Variants in NEDD4L observed in about 807,000 individuals in gnomAD.
NEDD4L encodes the protein E3 ubiquitin-protein ligase NEDD4-like.
In NEDD4L, 54 loss-of-function variants were observed where a neutral mutation model predicts 148.9. That is an observed-to-expected ratio of 0.36 (90% CI 0.29 to 0.45). The LOEUF (loss-of-function observed/expected upper bound fraction) is 0.45. NEDD4L is among the 20% of genes least tolerant of loss of function. The pLI, the probability that NEDD4L is intolerant of heterozygous loss-of-function variation, is 1.00. For missense variants in NEDD4L, 856 were observed against 1,233.8 expected (o/e 0.69, Z 4.59); for synonymous variants, 433 against 440.7 (o/e 0.98, Z 0.22).
chr18:58,378,451 A>G (rs1020626159), intron 24 of NEDD4L, among the ~76,000 whole-genome samples: 9 of 152,238 alleles, frequency 5.9e-5, no homozygotes, highest in Non-Finnish European at 1.3e-4. Flanking sequence ...CAGGAGCCAG[A>G]CGAAGAGCCC....
At chr18:58,275,065 ATCTT>A (rs2051671094) in intron 5 of NEDD4L, among the ~76,000 whole-genome samples, 1 of 152,174 alleles carries the variant, frequency 6.6e-6, no homozygotes, top group Non-Finnish European at 1.5e-5. Context: ...ATAGTTGAAA[ATCTT>A]TTGACTCCCC....
chr18:58,297,940 C>T (rs1008685764), intron 5 of NEDD4L, among the ~76,000 whole-genome samples: 1 of 152,184 alleles, frequency 6.6e-6, no homozygotes, highest in Admixed American at 6.5e-5. Context: ...TGTGTTTATT[C>T]TTCCCTGTTG....
chr18:58,248,813 T>C, intron 3 of NEDD4L, 86 bp from the exon 4 acceptor site: 1 of 692,258 alleles, frequency 1.4e-6, no homozygotes, highest in South Asian at 2.0e-5. Flanking sequence ...CAAAAAAATG[T>C]TTAAGCAAAT....
chr18:58,307,675 G>A (rs1262642464), intron 5 of NEDD4L, among the ~76,000 whole-genome samples: 3 of 152,194 alleles, frequency 2.0e-5, no homozygotes, highest in Non-Finnish European at 4.4e-5. Context: ...CCAGGCAGTG[G>A]GATGGACTGT....
intron 5 of NEDD4L, among the ~76,000 whole-genome samples, chr18:58,259,068 A>T (rs1208862842): frequency 6.6e-6 from 1 of 152,196 alleles, no homozygotes; most frequent in Admixed American, 6.5e-5. Context: ...TAGATTTGGG[A>T]ATACCGCTCG....
At chr18:58,218,246 C>T (rs2043353329) in intron 2 of NEDD4L, among the ~76,000 whole-genome samples, 1 of 152,104 alleles carries the variant, frequency 6.6e-6, no homozygotes, top group Admixed American at 6.5e-5. Flanking sequence ...TTTCATAAAA[C>T]CACACCCTAA....
At chr18:58,117,165 T>G (rs1293851386) in intron 1 of NEDD4L, among the ~76,000 whole-genome samples, 1 of 152,248 alleles carries the variant, frequency 6.6e-6, no homozygotes, top group Non-Finnish European at 1.5e-5. Context: ...CTTTGTTTTT[T>G]ACAGATTCAT....
intron 8 of NEDD4L, 109 bp downstream of exon 8, chr18:58,323,443 A>C (rs1214863444): frequency 5.9e-6 from 4 of 678,228 alleles, no homozygotes; most frequent in Non-Finnish European, 1.0e-5. Context: ...TAAATATAAA[A>C]AAAAGTACAT....
intron 2 of NEDD4L, among the ~76,000 whole-genome samples, chr18:58,188,002 A>G (rs1455846796): frequency 2.6e-5 from 4 of 152,184 alleles, no homozygotes; most frequent in African/African-American, 9.7e-5. Flanking sequence ...GGAAAACTTC[A>G]TGGTAGGGAT....
chr18:58,054,248 A>G (rs1161082135), intron 1 of NEDD4L, among the ~76,000 whole-genome samples: 7 of 152,236 alleles, frequency 4.6e-5, no homozygotes, highest in South Asian at 2.1e-4. Context: ...CCACAAACTT[A>G]CTTACGAATC....
At chr18:58,100,700 A>G (rs2084695801) in intron 1 of NEDD4L, among the ~76,000 whole-genome samples, 1 of 152,242 alleles carries the variant, frequency 6.6e-6, no homozygotes, top group Non-Finnish European at 1.5e-5. Flanking sequence ...CTGAGGAAAC[A>G]TCTTCCTCCT....
chr18:58,371,178 A>G (rs2046816738), intron 23 of NEDD4L, among the ~76,000 whole-genome samples: 1 of 148,770 alleles, frequency 6.7e-6, no homozygotes, highest in African/African-American at 2.5e-5. Context: ...CTGGGATTAC[A>G]GGCACACGCC....
intron 1 of NEDD4L, among the ~76,000 whole-genome samples, chr18:58,081,216 T>TTTTC (rs2145101873): frequency 7.0e-6 from 1 of 143,384 alleles, no homozygotes; most frequent in African/African-American, 2.7e-5. Flanking sequence ...ACCACCCTTT[T>TTTTC]TTTTTTTTTT....
intron 2 of NEDD4L, among the ~76,000 whole-genome samples, chr18:58,169,039 C>G (rs1405510917): frequency 6.6e-6 from 1 of 152,190 alleles, no homozygotes; most frequent in Non-Finnish European, 1.5e-5. Flanking sequence ...GCCTACAGCT[C>G]CAGCTCAGAG....
At chr18:58,259,931 C>T (rs1043548368) in intron 5 of NEDD4L, among the ~76,000 whole-genome samples, 9 of 152,144 alleles carry the variant, frequency 5.9e-5, no homozygotes, top group Admixed American at 5.2e-4. Flanking sequence ...TTTGGGGAAA[C>T]TTTGAGTCTC....
chr18:58,164,911 T>C (rs1300783264), intron 1 of NEDD4L, among the ~76,000 whole-genome samples: 1 of 152,256 alleles, frequency 6.6e-6, no homozygotes, highest in Non-Finnish European at 1.5e-5. Flanking sequence ...TTCCATCCAA[T>C]TGCTTCATAG....
intron 6 of NEDD4L, among the ~76,000 whole-genome samples, chr18:58,319,012 C>A (rs1312823426): frequency 1.3e-5 from 2 of 152,200 alleles, no homozygotes; most frequent in Non-Finnish European, 2.9e-5. Flanking sequence ...TTATTTGATG[C>A]CCTGCCTGTA....
chr18:58,379,703 C>T (rs4940673), intron 24 of NEDD4L, among the ~76,000 whole-genome samples: 47,571 of 151,906 alleles, frequency 0.31, 8,095 homozygotes, highest in African/African-American at 0.45. Flanking sequence ...GACGGTGTCA[C>T]GATCAGCCCC....
At chr18:58,192,467 G>T (rs1429251218) in intron 2 of NEDD4L, among the ~76,000 whole-genome samples, 5 of 152,208 alleles carry the variant, frequency 3.3e-5, no homozygotes, top group Non-Finnish European at 7.3e-5. Flanking sequence ...CTTAAGCAAA[G>T]AAGGTATTTA....
Sources: gnomAD v4.1 joint callset for allele counts (sites outside exome capture counted in the v4.1 genomes callset) on GRCh38, gnomAD v4.1.1 for gene constraint, MANE v1.5 for transcripts, NCBI Gene and HGNC (gene_info 2026-07-23, HGNC 2026-07-21) for gene names.